Variants in TAF1 observed in about 807,000 individuals in gnomAD.
TAF1 encodes the protein TATA-box binding protein associated factor 1, also known as transcription initiation factor TFIID subunit 1.
A neutral mutation model predicts 138.5 loss-of-function variants in TAF1; 2 were observed. That is an observed-to-expected ratio of 0.01 (90% CI 0.01 to 0.05). The LOEUF is 0.05. Among genes scored for constraint, TAF1 ranks in the 10% least tolerant of loss-of-function variants. The pLI, the probability that TAF1 is intolerant of heterozygous loss-of-function variation, is 1.00. For synonymous variants in TAF1, 437 were observed against 503.2 expected (o/e 0.87, Z 1.76); for missense variants, 709 against 1,478.0 (o/e 0.48, Z 8.53).
downstream of TAF1, among the ~76,000 whole-genome samples, chrX:71,469,694 TTTTTA>T (rs1285227426): frequency 1.0e-4 from 11 of 110,325 alleles, no homozygotes; most frequent in African/African-American, 3.3e-4. Flanking sequence ...ACAGTTTTAT[TTTTTA>T]TTTTATTTTA....
chrX:71,452,983 C>G (rs868038905), intron 32 of TAF1, among the ~76,000 whole-genome samples: 31 of 111,355 alleles, frequency 2.8e-4, no homozygotes, highest in East Asian at 2.0e-3. Flanking sequence ...ATCAGGCAGG[C>G]AGGTTGCAGT....
intron 13 of TAF1, among the ~76,000 whole-genome samples, chrX:71,524,042 T>TA (rs1038841373): frequency 9.6e-6 from 1 of 103,757 alleles, no homozygotes; most frequent in Non-Finnish European, 2.0e-5. Context: ...TTTTTTTTTT[T>TA]AGAGATTCTT....
intron 3 of TAF1, among the ~76,000 whole-genome samples, chrX:71,374,018 G>T (rs1268985903): frequency 1.8e-5 from 2 of 111,312 alleles, no homozygotes; most frequent in Non-Finnish European, 3.8e-5. Context: ...ATATGGTCAG[G>T]AAAGGAGCAA....
chrX:71,388,643 T>TA, intron 16 of TAF1, 95 bp from the exon 17 acceptor site: 2 of 1,128,246 alleles, frequency 1.8e-6, no homozygotes, highest in African/African-American at 3.6e-5. Flanking sequence ...CTAGGCCTGT[T>TA]ACAGTTTTGG....
intron 13 of TAF1, among the ~76,000 whole-genome samples, chrX:71,519,900 C>T (rs1025640606): frequency 5.0e-4 from 55 of 108,935 alleles, no homozygotes; most frequent in African/African-American, 1.8e-3. Flanking sequence ...CTACCTCCTG[C>T]GCTCAAGCGA....
At chrX:71,369,239 C>T (rs777833916) in intron 3 of TAF1, among the ~76,000 whole-genome samples, 9 of 111,307 alleles carry the variant, frequency 8.1e-5, no homozygotes, top group African/African-American at 2.9e-4. Flanking sequence ...TCAAGTGACC[C>T]TGCTCCCCTC....
intron 22 of TAF1, among the ~76,000 whole-genome samples, chrX:71,395,682 C>T (rs1365249869): frequency 8.9e-6 from 1 of 111,883 alleles, no homozygotes; most frequent in Non-Finnish European, 1.9e-5. Context: ...CCTTTGTTTC[C>T]TCTTTTCTGT....
rs145813283 is a variant in TAF1, at chrX:71,516,033, G to A, written c.1367-12509G>A. Among the ~76,000 whole-genome samples the A allele has an allele frequency of 4.3e-3, 474 of 109,322 alleles. 5 individuals are homozygous for A. Among genetic ancestry groups the A allele is most frequent in the African/African-American group, 0.015 (438 of 30,114 alleles). The allele number at this position is 109,322 out of a possible 115,157, so 94.9% of individuals were successfully genotyped here. On this transcript the variant is annotated intron_variant and NMD_transcript_variant, in intron 13 of 14. Coordinates refer to the TAF1 transcript ENST00000373775. ...TTGTCAACAGGGGTTGGGGGAGGGA[G>A]GGAGTTTTTTTAAAATTTATTTTTA... is the stretch of plus-strand genomic sequence containing the variant.
At chrX:71,404,854 C>T (rs1182340362) in intron 25 of TAF1, among the ~76,000 whole-genome samples, 1 of 110,473 alleles carries the variant, frequency 9.1e-6, no homozygotes, top group African/African-American at 3.3e-5. Context: ...AATAATACCA[C>T]TACCACCAAC....
intron 13 of TAF1, among the ~76,000 whole-genome samples, chrX:71,526,903 T>TAAAAAA (rs775105697): frequency 1.1e-5 from 1 of 87,840 alleles, no homozygotes; most frequent in African/African-American, 4.2e-5. Context: ...CCCAGTCTCT[T>TAAAAAA]AAAAAAAAAA....
intron 13 of TAF1, among the ~76,000 whole-genome samples, chrX:71,497,283 C>T (rs919000235): frequency 1.8e-5 from 2 of 111,766 alleles, no homozygotes; most frequent in African/African-American, 6.5e-5. Context: ...CAGTCATGCT[C>T]GATTAGTTCT....
chrX:71,519,080 T>C (rs1176211457), intron 13 of TAF1, among the ~76,000 whole-genome samples: 3 of 108,585 alleles, frequency 2.8e-5, no homozygotes, highest in Non-Finnish European at 5.7e-5. Context: ...CCCAGCACTT[T>C]GGGAGGCCGA....
rs939547492 is a variant in TAF1 at position 71,489,088 on chromosome X, C to A, written c.1366+28285C>A. On this transcript the variant is annotated intron_variant and NMD_transcript_variant, in intron 13 of 14. Transcript: ENST00000373775. ...TCTGAAAAAAAAAAAAAAACACACACAAAAAATTCATCTAGTTTGTTTCTC... is the reference window on the plus strand; with the variant it reads ...TCTGAAAAAAAAAAAAAAACACACAAAAAAAATTCATCTAGTTTGTTTCTC... Among the ~76,000 whole-genome samples, 74 of 107,512 alleles carry A rather than the reference C, an allele frequency of 6.9e-4. 1 individual carries two copies. Among genetic ancestry groups the A allele is most frequent in the Middle Eastern group, 9.5e-3 (2 of 210 alleles). The allele number at this position is 107,512 out of a possible 115,157, so 93.4% of individuals were successfully genotyped here.
intron 19 of TAF1, 52 bp downstream of exon 19, chrX:71,392,770 G>GT: frequency 8.4e-7 from 1 of 1,189,136 alleles, no homozygotes; most frequent in Non-Finnish European, 1.1e-6. Flanking sequence ...AAAGAAATGG[G>GT]TGAGTGGAGG....
intron 2 of TAF1, 79 bp downstream of exon 2, chrX:71,367,692 A>G: frequency 9.2e-7 from 1 of 1,083,941 alleles, no homozygotes; most frequent in Non-Finnish European, 1.3e-6. Context: ...TGTGTGTAAG[A>G]CGGAGTTTCG....
chrX:71,420,136 G>T, intron 28 of TAF1: 1 of 494,281 alleles, frequency 2.0e-6, no homozygotes. Context: ...ACGTGACCCC[G>T]GGGCCTGCTG....
rs1386456744 is a variant in TAF1, at chrX:71,375,167, A to G, written c.353A>G (p.Asp118Gly). The G allele has an allele frequency of 8.3e-7, 1 of 1,209,087 alleles. No individual in the cohort carries two copies. The highest frequency in any genetic ancestry group is 1.1e-6 in the Non-Finnish European group (1 of 894,568). ...GAGATCACCTTCTTGGTTTTATTAG[A>G]TTATGATGAAGATGACTATGATGCT... Reference protein sequence around the residue: ...MGSLQPLCHSDYDEDDYDADC... With the variant: ...MGSLQPLCHSGYDEDDYDADC... Residue 118 changes from aspartate to glycine, a missense_variant and splice_region_variant, in exon 4 of 38, where the codon GAT (aspartate) becomes GGT (glycine). Physicochemically the swap from Asp to Gly is moderately conservative, Grantham distance 94 (BLOSUM62 -1). Coordinates refer to ENST00000423759, the MANE Select transcript of TAF1 (RefSeq NM_004606.5).
At chrX:71,378,784 G>A (rs2033662074) in intron 7 of TAF1, 40 bp from the exon 8 acceptor site, 5 of 1,167,842 alleles carry the variant, frequency 4.3e-6, no homozygotes, top group African/African-American at 3.6e-5. Flanking sequence ...CTTGACCAGT[G>A]ACCAATCAAG....
At chrX:71,462,807 T>C (rs1244153842) in intron 37 of TAF1, among the ~76,000 whole-genome samples, 1 of 111,428 alleles carries the variant, frequency 9.0e-6, no homozygotes, top group East Asian at 2.8e-4. Flanking sequence ...AATAAAAACA[T>C]TTAAAAACGT....
Sources: allele counts gnomAD v4.1 joint callset (sites outside exome capture counted in the v4.1 genomes callset), GRCh38; gene constraint gnomAD v4.1.1; transcripts MANE v1.5; gene names NCBI Gene and HGNC (gene_info 2026-07-23, HGNC 2026-07-21).